Variants in LINC00305 observed in about 807,000 individuals in gnomAD.
LINC00305 encodes the protein long intergenic non-protein coding RNA 305.
chr18:64,103,651 T>A (rs2676671), intron 1 of LINC00305, among the ~76,000 whole-genome samples: 21,697 of 152,224 alleles, frequency 0.14, 1,567 homozygotes, highest in Non-Finnish European at 0.16. Context: ...GCTCAGGAAC[T>A]CCTGCCAAAT....
intron 1 of LINC00305, among the ~76,000 whole-genome samples, chr18:64,145,785 A>G (rs1430835220): frequency 6.6e-6 from 1 of 152,214 alleles, no homozygotes; most frequent in Non-Finnish European, 1.5e-5. Flanking sequence ...GCATTGGAAG[A>G]AAATTAATGA....
intron 1 of LINC00305, among the ~76,000 whole-genome samples, chr18:64,136,068 C>T (rs949867086): frequency 5.3e-5 from 8 of 152,176 alleles, no homozygotes; most frequent in African/African-American, 1.9e-4. Context: ...TCTGGAGGGG[C>T]CTCAGGGAAG....
At chr18:64,138,066 G>A (rs2051443599) in intron 1 of LINC00305, among the ~76,000 whole-genome samples, 1 of 152,160 alleles carries the variant, frequency 6.6e-6, no homozygotes, top group Non-Finnish European at 1.5e-5. Context: ...CAAGATTGCT[G>A]TCAGGGAAGC....
intron 1 of LINC00305, among the ~76,000 whole-genome samples, chr18:64,099,563 C>CT (rs1568106573): frequency 6.6e-6 from 1 of 152,098 alleles, no homozygotes. Context: ...AAATAAAAAT[C>CT]TTTTTTGCTA....
chr18:64,138,629 C>T (rs947747566), intron 1 of LINC00305, among the ~76,000 whole-genome samples: 4 of 152,116 alleles, frequency 2.6e-5, no homozygotes, highest in African/African-American at 9.7e-5. Context: ...AGCTTTAGTT[C>T]TACTCCGGGT....
chr18:64,116,809 T>C (rs2051339776), intron 1 of LINC00305, among the ~76,000 whole-genome samples: 1 of 152,218 alleles, frequency 6.6e-6, no homozygotes, highest in African/African-American at 2.4e-5. Flanking sequence ...TTACACACTT[T>C]CTTGGACAAC....
chr18:64,115,129 C>G (rs891626320), intron 1 of LINC00305, among the ~76,000 whole-genome samples: 6 of 152,202 alleles, frequency 3.9e-5, no homozygotes, highest in African/African-American at 1.4e-4. Flanking sequence ...GCTCTGAAGA[C>G]TACACTCATC....
chr18:64,106,587 C>T (rs1317413363), intron 1 of LINC00305, among the ~76,000 whole-genome samples: 2 of 152,082 alleles, frequency 1.3e-5, no homozygotes, highest in African/African-American at 4.8e-5. Context: ...CCTCTGCTGC[C>T]TCAATATATA....
At chr18:64,093,608 A>C (rs576611502) in intron 3 of LINC00305, among the ~76,000 whole-genome samples, 5 of 152,318 alleles carry the variant, frequency 3.3e-5, no homozygotes, top group African/African-American at 1.2e-4. Flanking sequence ...TGCTGGGATC[A>C]CAGGCATGAG....
At chr18:64,080,800 G>T (rs1284019174) in intron 3 of LINC00305, among the ~76,000 whole-genome samples, 1 of 152,084 alleles carries the variant, frequency 6.6e-6, no homozygotes, top group Non-Finnish European at 1.5e-5. Context: ...AAACATGTCT[G>T]TAAGACTGTA....
chr18:64,126,455 G>C (rs1460715508), intron 1 of LINC00305, among the ~76,000 whole-genome samples: 1 of 151,836 alleles, frequency 6.6e-6, no homozygotes, highest in Non-Finnish European at 1.5e-5. Context: ...ATCGAAATAG[G>C]CATTATTAGG....
intron 3 of LINC00305, among the ~76,000 whole-genome samples, chr18:64,086,242 G>A (rs2051203079): frequency 1.3e-5 from 2 of 152,144 alleles, no homozygotes; most frequent in Non-Finnish European, 2.9e-5. Context: ...AAGCTTGATT[G>A]TAATCCATTA....
intron 1 of LINC00305, among the ~76,000 whole-genome samples, chr18:64,101,280 G>A (rs191443385): frequency 1.3e-5 from 2 of 152,292 alleles, no homozygotes; most frequent in East Asian, 3.9e-4. Flanking sequence ...AGATAACAGT[G>A]CTCATATGGG....
chr18:64,089,571 C>A (rs1223024460), intron 3 of LINC00305, among the ~76,000 whole-genome samples: 1 of 152,206 alleles, frequency 6.6e-6, no homozygotes, highest in Non-Finnish European at 1.5e-5. Context: ...ATGTCATTTG[C>A]AGAATTAAGG....
chr18:64,086,600 C>T (rs186132052), intron 3 of LINC00305, among the ~76,000 whole-genome samples: 48 of 152,356 alleles, frequency 3.2e-4, no homozygotes, highest in African/African-American at 1.2e-3. Flanking sequence ...TGTCTGTCCT[C>T]TATTGAGAGT....
intron 1 of LINC00305, among the ~76,000 whole-genome samples, chr18:64,118,640 T>C (rs1354949549): frequency 1.3e-5 from 2 of 152,118 alleles, no homozygotes; most frequent in Non-Finnish European, 2.9e-5. Flanking sequence ...TCCATCTGCT[T>C]TCAACATTCC....
intron 1 of LINC00305, among the ~76,000 whole-genome samples, chr18:64,143,700 C>CAT (rs529462132): frequency 0.045 from 5,728 of 126,984 alleles, 514 homozygotes; most frequent in Non-Finnish European, 0.078. Context: ...ATTATGCGTA[C>CAT]ATGTATGTCC....
rs376486949 is a variant in LINC00305 at position 64,140,341 on chromosome 18, T to C, written n.314+8434A>G. Among the ~76,000 whole-genome samples the C allele has an allele frequency of 8.5e-5, 13 of 152,272 alleles. No individual in the cohort carries two copies. In the South Asian group the frequency reaches 2.3e-3, roughly 27 times the overall value. ...CTCCTGCCTCACCCTCCCAAGTAGC[T>C]GGGATTACAGGCACCTGCCACCACA... On this transcript the variant is annotated intron_variant and non_coding_transcript_variant, in intron 1 of 3. Coordinates refer to ENST00000666468, the Ensembl canonical transcript of LINC00305.
At chr18:64,126,836 A>T (rs972334426) in intron 1 of LINC00305, among the ~76,000 whole-genome samples, 1 of 152,168 alleles carries the variant, frequency 6.6e-6, no homozygotes, top group Non-Finnish European at 1.5e-5. Flanking sequence ...GATTTTTATC[A>T]GTCCACTGTA....
Sources: allele counts gnomAD v4.1 joint callset (sites outside exome capture counted in the v4.1 genomes callset), GRCh38; gene constraint gnomAD v4.1.1; transcripts MANE v1.5; gene names NCBI Gene and HGNC (gene_info 2026-07-23, HGNC 2026-07-21).